Variants in KMT2B observed in about 807,000 individuals in gnomAD.
KMT2B encodes histone-lysine N-methyltransferase 2B.
In KMT2B, 22 loss-of-function variants were observed where a neutral mutation model predicts 255.3. The observed-to-expected ratio is 0.09, with a 90% CI of 0.06 to 0.12. The LOEUF (loss-of-function observed/expected upper bound fraction) is 0.12. Ranked by LOEUF, KMT2B falls within the 10% of genes least tolerant of loss-of-function variation. The pLI, the probability that KMT2B is intolerant of heterozygous loss-of-function variation, is 1.00. For synonymous variants in KMT2B, 1,730 were observed against 1,498.1 expected (o/e 1.15, Z -3.57); for missense variants, 3,149 against 3,737.0 (o/e 0.84, Z 4.10).
chr19:35,718,271 G>A lies in KMT2B; in HGVS notation c.253G>A (p.Ala85Thr). 8.2e-7 allele frequency: 1 copy of A among 1,218,224 alleles called. No individual in the cohort carries two copies. Among genetic ancestry groups the A allele is most frequent in the Non-Finnish European group, 1.0e-6 (1 of 970,980 alleles). The allele number at this position is 1,218,224 out of a possible 1,614,324, so 75.5% of individuals were successfully genotyped here. The change falls in exon 1 of 37, where the codon GCC becomes ACC. Residue 85 changes from alanine to threonine, a missense_variant. Ala to Thr is a moderately conservative substitution (Grantham distance 58). Transcript: ENST00000420124. This position sits in a 1 kb window ranked among gnomAD's most constrained non-coding sequence, Gnocchi z 5.0. Reference protein sequence around the residue: ...RGLRRLRRLWAGPRVQRGRGR... With the variant: ...RGLRRLRRLWTGPRVQRGRGR... ...CCTGCGCCGGCTCCGCCGCCTGTGG[G>A]CCGGCCCGCGGGTCCAGCGGGGCCG...
chr19:35,722,852 A>G, intron 5 of KMT2B, 134 bp downstream of exon 5: 1 of 1,413,102 alleles, frequency 7.1e-7, no homozygotes, highest in Non-Finnish European at 9.4e-7. Context: ...CTGGAGTGCT[A>G]GGTCCTAGAG....
In KMT2B at chr19:35,723,859, A is replaced by G. The variant is rs933436092; in HGVS notation, c.3186A>G (p.Pro1062=). ...CCCGGGAGGAGGTGGTGGCCCACCC[A>G]GGGCCCGAGGAGCAGGACTCCCTCC... ...GGPREEVVAH[P]GPEEQDSLLQ... is the part of the protein sequence containing the mutation. Residue 1062 remains proline, a synonymous_variant, in exon 8 of 37, where the codon CCA becomes CCG. Coordinates refer to ENST00000420124, the MANE Select transcript of KMT2B (RefSeq NM_014727.3). This position sits in a 1 kb window ranked among gnomAD's most constrained non-coding sequence, Gnocchi z 7.5. 1 of 1,606,122 alleles carries G rather than the reference A, an allele frequency of 6.2e-7. No individual in the cohort carries two copies. The highest frequency in any genetic ancestry group is 8.5e-7 in the Non-Finnish European group (1 of 1,176,628).
At chr19:35,721,995 C>T (rs978845350) in intron 3 of KMT2B, among the ~76,000 whole-genome samples, 191 bp downstream of exon 3, 1 of 146,338 alleles carries the variant, frequency 6.8e-6, no homozygotes, top group African/African-American at 2.7e-5. Context: ...TTCCCTGTCC[C>T]TATCTTCCTT....
intron 30 of KMT2B, among the ~76,000 whole-genome samples, chr19:35,734,456 A>AGGATCG (rs1309695501): frequency 6.6e-6 from 1 of 152,182 alleles, no homozygotes; most frequent in African/African-American, 2.4e-5. Context: ...AGTTCAGCTA[A>AGGATCG]GGATCGGGAG....
chr19:35,730,919 C>T (rs1295489348), intron 26 of KMT2B, 52 bp downstream of exon 26: 1 of 1,500,758 alleles, frequency 6.7e-7, no homozygotes, highest in Non-Finnish European at 8.9e-7. Flanking sequence ...CTAAACAAAC[C>T]TACAGATCTC....
chr19:35,734,479 G>A (rs755136616), intron 30 of KMT2B, among the ~76,000 whole-genome samples: 6 of 152,168 alleles, frequency 3.9e-5, no homozygotes, highest in South Asian at 2.1e-4. Context: ...GGAGGTGGGC[G>A]AGCAGCGTGG....
intron 30 of KMT2B, among the ~76,000 whole-genome samples, chr19:35,734,273 C>T (rs1215766920): frequency 6.6e-6 from 1 of 151,892 alleles, no homozygotes; most frequent in Non-Finnish European, 1.5e-5. Context: ...AGTGGTGTCC[C>T]AGAGGCCCAG....
chr19:35,731,561 C>CGGGA (rs1969694111), intron 26 of KMT2B, among the ~76,000 whole-genome samples: 1 of 151,988 alleles, frequency 6.6e-6, no homozygotes, highest in South Asian at 2.1e-4. Context: ...CCGGGGCGGG[C>CGGGA]GGGAGCGTCT....
chr19:35,720,352 T>C lies in KMT2B; in HGVS notation c.1005T>C (p.Ser335=). 6.2e-7 allele frequency: 1 copy of C among 1,607,438 alleles called. No individual in the cohort carries two copies. Among genetic ancestry groups the C allele is most frequent in the Admixed American group, 1.7e-5 (1 of 59,002 alleles). ...AAGGTCAAGGTCAACATGAGGAAAG[T>C]TGGCAGGATGTCCCCCAAAGAAGAG... The part of the protein sequence containing the change: ...SGQGQGQHEE[S]WQDVPQRRVG... The change falls in exon 3 of 37, where the codon AGT becomes AGC. Residue 335 remains serine, a synonymous_variant. Transcript: ENST00000420124.
At position 35,721,778 on chromosome 19, in the gene KMT2B, C is replaced by A; in HGVS notation, c.2431C>A (p.Gln811Lys). Reference sequence around the variant, plus strand: ...GCTATTCAAGATCGATCAGCAGCAGCAGCAGAAGGTGGCAGCTTCCATGCC... The same window carrying A: ...GCTATTCAAGATCGATCAGCAGCAGAAGCAGAAGGTGGCAGCTTCCATGCC... ...VQLFKIDQQQ[Q>K]QKVAASMPLS... Residue 811 changes from glutamine (Q) to lysine (K), a missense_variant, in exon 3 of 37, where the codon CAG (glutamine) becomes AAG (lysine). This residue lies in a region of KMT2B where 1,188 missense variants were observed against 1,106.4 expected (regional missense o/e 1.07). Coordinates refer to ENST00000420124, the MANE Select transcript of KMT2B (RefSeq NM_014727.3). 6.3e-7 allele frequency: 1 copy of A among 1,596,756 alleles called. No individual in the cohort carries two copies. The highest frequency in any genetic ancestry group is 8.5e-7 in the Non-Finnish European group (1 of 1,169,654).
In KMT2B at chr19:35,719,876, C is replaced by T. The variant is rs2146433653; in HGVS notation, c.529C>T (p.Pro177Ser). The change falls in exon 3 of 37, where the codon CCT (proline) becomes TCT (serine). Residue 177 changes from proline (P) to serine (S), a missense_variant. Pro to Ser is a moderately conservative substitution (Grantham distance 74, BLOSUM62 -1). This residue lies in a region of KMT2B where 1,188 missense variants were observed against 1,106.4 expected (regional missense o/e 1.07). Transcript: ENST00000420124. Reference sequence around the variant, plus strand: ...TGTGGCTCCTACCCCCCCAAAGACCCCTGCCCGGAAACGGGGTGAGGAAGG... The same window carrying T: ...TGTGGCTCCTACCCCCCCAAAGACCTCTGCCCGGAAACGGGGTGAGGAAGG... ...ADVAPTPPKT[P>S]ARKRGEEGTE... 11 of 1,613,438 alleles carry T rather than the reference C, an allele frequency of 6.8e-6. No individual in the cohort carries two copies. The highest frequency in any genetic ancestry group is 9.3e-6 in the Non-Finnish European group (11 of 1,179,842).
rs3787051 is a variant in KMT2B, at chr19:35,727,056, A to G, written c.4004-100A>G. 109,277 of 720,104 alleles carry G rather than the reference A, an allele frequency of 0.15. 8,962 individuals carry two copies. The highest frequency in any genetic ancestry group is 0.26 in the South Asian group (14,818 of 56,852). The allele number at this position is 720,104 out of a possible 1,614,324, so 44.6% of individuals were successfully genotyped here. A position where few individuals can be genotyped will look rare whatever the true frequency, so the allele number is the denominator to read the frequency against. On this transcript the variant is annotated intron_variant, in intron 14 of 36. Transcript: ENST00000420124. The surrounding 1 kb of genome is among the most constrained non-coding windows in gnomAD (Gnocchi z 4.2). ...ACTAGTAGGGGCCCAAAACAGGGGC[A>G]TAGTGGAGGCAGCTAAGGTACTGCT...
Position 35,720,321 on chromosome 19 carries a change from C to CAGGTCA in KMT2B, c.988_993dup (p.Gly330_Gln331dup), listed in dbSNP as rs756646242. ...GGACAATTGTCCTTGGGACTCGAAT[C>CAGGTCA]AGGTCAAGGTCAAGGTCAACATGAG... is the stretch of plus-strand genomic sequence containing the variant. On this transcript the variant is annotated inframe_insertion, in exon 3 of 37. Coordinates refer to ENST00000420124, the MANE Select transcript of KMT2B (RefSeq NM_014727.3). 8 of 1,612,816 alleles carry CAGGTCA rather than the reference C, an allele frequency of 5.0e-6. 1 individual carries two copies. The highest frequency in any genetic ancestry group is 1.7e-4 in the Middle Eastern group (1 of 6,060).
At position 35,737,452 on chromosome 19, in the gene KMT2B, C is replaced by T; in HGVS notation, c.7551-184C>T. On this transcript the variant is annotated intron_variant, in intron 33 of 36. Coordinates refer to ENST00000420124, the MANE Select transcript of KMT2B (RefSeq NM_014727.3). The surrounding 1 kb of genome is among the most constrained non-coding windows in gnomAD (Gnocchi z 5.3). ...ATCCCGCCACTTTGGGAGGCCGAGG[C>T]AGGAGGATCGCATGAGCCCAGGAGT... 6.4e-6 allele frequency: 5 copies of T among 786,036 alleles called. No individual in the cohort carries two copies. The highest frequency in any genetic ancestry group is 9.8e-6 in the Non-Finnish European group (5 of 509,530). 48.7% of individuals were successfully genotyped at this position (786,036 alleles called of 1,614,324 possible).
chr19:35,730,356 C>A lies in KMT2B; in HGVS notation c.5091C>A (p.Pro1697=). The A allele has an allele frequency of 1.2e-6, 2 of 1,612,246 alleles. No individual in the cohort carries two copies. Among genetic ancestry groups the A allele is most frequent in the Non-Finnish European group, 1.7e-6 (2 of 1,178,414 alleles). The change falls in exon 24 of 37, where the codon CCC becomes CCA. Residue 1697 remains proline, a synonymous_variant. Coordinates refer to ENST00000420124, the MANE Select transcript of KMT2B (RefSeq NM_014727.3). Reference sequence around the variant, plus strand: ...CCCTCTTCCAGGAAATTGTGAACCCCGATGGTTTTGATGTTCTCCGCCGAG... The same window carrying A: ...CCCTCTTCCAGGAAATTGTGAACCCAGATGGTTTTGATGTTCTCCGCCGAG... ...DLLDGKEIVN[P]DGFDVLRRVY... is the part of the protein sequence containing the mutation.
chr19:35,720,102 C>T lies in KMT2B; in HGVS notation c.755C>T (p.Pro252Leu). 6.2e-7 allele frequency: 1 copy of T among 1,601,304 alleles called. No homozygotes were observed. Among genetic ancestry groups the T allele is most frequent in the Non-Finnish European group, 8.5e-7 (1 of 1,173,988 alleles). The change falls in exon 3 of 37, where the codon CCC becomes CTC. Residue 252 changes from proline (P) to leucine (L), a missense_variant. Physicochemically the swap from Pro to Leu is moderately conservative, Grantham distance 98. Around this residue, in one of 18 missense-constraint regions of KMT2B, gnomAD observed 1,188 missense variants for 1,106.4 expected, o/e 1.07. Transcript: ENST00000420124. ...EAAVTIPKPE[P>L]PPPVVPVKHQ... Reference sequence around the variant, plus strand: ...GCTGTGACAATCCCCAAACCTGAGCCCCCACCTCCTGTGGTTCCAGTGAAA... The same window carrying T: ...GCTGTGACAATCCCCAAACCTGAGCTCCCACCTCCTGTGGTTCCAGTGAAA...
chr19:35,729,912 C>T, intron 22 of KMT2B, 55 bp from the exon 23 acceptor site: 2 of 1,541,678 alleles, frequency 1.3e-6, no homozygotes, highest in Non-Finnish European at 1.8e-6. Context: ...GACAGTGGTG[C>T]CTGGCGCCCA....
rs763354751 is a variant in KMT2B, at chr19:35,721,551, C to T, written c.2204C>T (p.Ala735Val). The T allele has an allele frequency of 6.2e-7, 1 of 1,611,728 alleles. No individual in the cohort carries two copies. Residue 735 changes from alanine to valine, a missense_variant, in exon 3 of 37, where the codon GCT becomes GTT. Physicochemically the swap from Ala to Val is moderately conservative, Grantham distance 64. Around this residue, in one of 18 missense-constraint regions of KMT2B, gnomAD observed 1,188 missense variants for 1,106.4 expected, o/e 1.07. Coordinates refer to ENST00000420124, the MANE Select transcript of KMT2B (RefSeq NM_014727.3). ...CTGAGCAACGGGCCACAGACACAGG[C>T]TCAGCTACTGCAGCCCCTGCAGGCC... is the stretch of plus-strand genomic sequence containing the variant. ...PALSNGPQTQ[A>V]QLLQPLQALQ...
In KMT2B at chr19:35,732,621, C is replaced by T. The variant is rs773794450; in HGVS notation, c.6072C>T (p.Ser2024=). 51 of 1,611,776 alleles carry T rather than the reference C, an allele frequency of 3.2e-5. No individual in the cohort carries two copies. The highest frequency in any genetic ancestry group is 9.3e-5 in the African/African-American group (7 of 74,900). The part of the protein sequence containing the change: ...GSSHGGPGDS[S]EEESSPTSRY... ...GCCACGGGGGCCCGGGGGACAGCTC[C>T]GAGGAGGAGTCCAGCCCCACCTCCC... The change falls in exon 28 of 37, where the codon TCC becomes TCT. Residue 2024 remains serine (S), a synonymous_variant. Transcript: ENST00000420124.
Sources: gnomAD v4.1 joint callset for allele counts (sites outside exome capture counted in the v4.1 genomes callset) on GRCh38, gnomAD v4.1.1 for gene constraint, gnomAD v4.1.1 regional missense constraint, Gnocchi (gnomAD v3.1) non-coding constraint, MANE v1.5 for transcripts, NCBI Gene and HGNC (gene_info 2026-07-23, HGNC 2026-07-21) for gene names.